Variants in ARHGEF10L observed in about 807,000 individuals in gnomAD.
The protein encoded by ARHGEF10L is Rho guanine nucleotide exchange factor 10 like, also known as rho guanine nucleotide exchange factor 10-like protein.
A neutral mutation model predicts 141.2 loss-of-function variants in ARHGEF10L; 69 were observed. The observed-to-expected ratio is 0.49, with a 90% CI of 0.40 to 0.60. The LOEUF (loss-of-function observed/expected upper bound fraction) is 0.60. ARHGEF10L is among the 20% of genes least tolerant of loss of function. ARHGEF10L has a pLI of 0.00. For synonymous variants in ARHGEF10L, 711 were observed against 718.5 expected (o/e 0.99, Z 0.17); for missense variants, 1,482 against 1,734.3 (o/e 0.85, Z 2.58).
intron 2 of ARHGEF10L, among the ~76,000 whole-genome samples, chr1:17,581,309 CAA>C (rs71014975): frequency 6.2e-3 from 432 of 69,282 alleles, no homozygotes; most frequent in African/African-American, 0.025. Flanking sequence ...AAGACTGTCT[CAA>C]AAAAAAAAAA....
chr1:17,602,253 G>GT, intron 5 of ARHGEF10L, 35 bp downstream of exon 5: 1 of 1,546,310 alleles, frequency 6.5e-7, no homozygotes, highest in Non-Finnish European at 8.8e-7. Flanking sequence ...CCCACCCCAG[G>GT]TAGCAAGCTC....
At chr1:17,613,607 G>A (rs79504943) in intron 8 of ARHGEF10L, among the ~76,000 whole-genome samples, 207 of 152,312 alleles carry the variant, frequency 1.4e-3, no homozygotes, top group African/African-American at 4.8e-3. Flanking sequence ...ATTGAAAAAC[G>A]TGAGTGTTGC....
At chr1:17,640,400 G>C (rs1214722873) in intron 21 of ARHGEF10L, 98 bp downstream of exon 21, 10 of 1,050,316 alleles carry the variant, frequency 9.5e-6, no homozygotes, top group African/African-American at 3.2e-5. Flanking sequence ...CGGGGTCAGC[G>C]GGGGGCAGGG....
intron 1 of ARHGEF10L, among the ~76,000 whole-genome samples, chr1:17,553,628 A>G (rs2077196002): frequency 6.6e-6 from 1 of 151,550 alleles, no homozygotes; most frequent in African/African-American, 2.4e-5. Context: ...AAAAAAAGCC[A>G]AAAAACAAAA....
chr1:17,637,936 T>C lies in ARHGEF10L; in HGVS notation c.1976T>C (p.Leu659Pro). The C allele has an allele frequency of 6.2e-7, 1 of 1,602,676 alleles. No homozygotes were observed. The highest frequency in any genetic ancestry group is 1.1e-5 in the South Asian group (1 of 88,440). Residue 659 changes from leucine to proline, a missense_variant, in exon 19 of 29, where the codon CTG becomes CCG. Physicochemically the swap from Leu to Pro is moderately conservative, Grantham distance 98. Around this residue, in one of 3 missense-constraint regions of ARHGEF10L, gnomAD observed 858 missense variants for 966.3 expected, o/e 0.89. Coordinates refer to ENST00000361221, the MANE Select transcript of ARHGEF10L (RefSeq NM_018125.4). ...CGCCTCTTCCAGGAGCTGCAGGACC[T>C]GCAGAAGGACCTGGCCGTGGTGGAG... ...PPRLFQELQD[L>P]QKDLAVVEQI...
intron 26 of ARHGEF10L, among the ~76,000 whole-genome samples, chr1:17,665,757 C>T (rs113855183): frequency 4.6e-4 from 70 of 152,206 alleles, no homozygotes; most frequent in African/African-American, 1.6e-3. Context: ...TGTGTGTTTG[C>T]GCAAGTATAT....
At chr1:17,561,216 A>G (rs2077530692) in intron 1 of ARHGEF10L, among the ~76,000 whole-genome samples, 1 of 152,186 alleles carries the variant, frequency 6.6e-6, no homozygotes, top group African/African-American at 2.4e-5. Flanking sequence ...TAAGTCTGAG[A>G]GCAACCAGTG....
intron 28 of ARHGEF10L, among the ~76,000 whole-genome samples, chr1:17,695,519 G>A (rs968158704): frequency 6.6e-6 from 1 of 152,226 alleles, no homozygotes; most frequent in African/African-American, 2.4e-5. Context: ...GTGGCTTGGG[G>A]CCTGGCTGAG....
intron 2 of ARHGEF10L, among the ~76,000 whole-genome samples, chr1:17,583,228 G>T (rs1475009042): frequency 1.4e-5 from 2 of 144,728 alleles, no homozygotes; most frequent in Non-Finnish European, 1.5e-5. Flanking sequence ...AAAAAAGAAG[G>T]TGTAGAAATG....
chr1:17,522,790 T>TC, the ARHGEF10L span, among the ~76,000 whole-genome samples: 1 of 151,198 alleles, frequency 6.6e-6, no homozygotes, highest in Admixed American at 6.6e-5. Flanking sequence ...TTCACATCCC[T>TC]CCCCCCTGGA....
At position 17,619,869 on chromosome 1, in the gene ARHGEF10L, C is replaced by A. The variant is rs182690132; in HGVS notation, c.942+424C>A. ...CTGGGCCTCAGAGCTGCCACAAGCT[C>A]CCACCAGGAACTGAGGCTCTTTAAG... is the stretch of plus-strand genomic sequence containing the variant. On this transcript the variant is annotated intron_variant, in intron 10 of 28. Transcript: ENST00000361221. The surrounding 1 kb of genome is among the most constrained non-coding windows in gnomAD (Gnocchi z 5.0). Among the ~76,000 whole-genome samples the A allele has an allele frequency of 8.7e-3, 1,329 of 152,190 alleles. 14 individuals carry two copies. Among genetic ancestry groups the A allele is most frequent in the South Asian group, 0.016 (76 of 4,806 alleles).
intron 26 of ARHGEF10L, among the ~76,000 whole-genome samples, chr1:17,672,348 A>G (rs1186076157): frequency 2.0e-5 from 3 of 152,138 alleles, no homozygotes; most frequent in Non-Finnish European, 4.4e-5. Context: ...TATCTTATTT[A>G]TGACATGAAA....
At chr1:17,611,668 G>C (rs1184404593) in intron 7 of ARHGEF10L, among the ~76,000 whole-genome samples, 1 of 152,022 alleles carries the variant, frequency 6.6e-6, no homozygotes, top group Non-Finnish European at 1.5e-5. Context: ...AATAAGCTCT[G>C]GGCTTTGCAT....
intron 4 of ARHGEF10L, among the ~76,000 whole-genome samples, chr1:17,597,058 T>G (rs1173915932): frequency 6.6e-6 from 1 of 152,094 alleles, no homozygotes; most frequent in Non-Finnish European, 1.5e-5. Context: ...CTGCCGGCAA[T>G]GTAGGTTGCT....
chr1:17,517,779 G>A, the ARHGEF10L span, among the ~76,000 whole-genome samples: 1 of 152,142 alleles, frequency 6.6e-6, no homozygotes, highest in Non-Finnish European at 1.5e-5. Context: ...TCCTGCCTCA[G>A]CCTCCTGAGT....
At position 17,623,450 on chromosome 1, in the gene ARHGEF10L, C is replaced by T. The variant is rs567364299; in HGVS notation, c.1200+275C>T. On this transcript the variant is annotated intron_variant, in intron 12 of 28. Coordinates refer to ENST00000361221, the MANE Select transcript of ARHGEF10L (RefSeq NM_018125.4). The surrounding 1 kb of genome is among the most constrained non-coding windows in gnomAD (Gnocchi z 4.7). ...CAGGTGGCAGCACCCCCTGGCCTCC[C>T]AGTCACTGTGGGCAGCCACCTGGCC... 8.5e-5 allele frequency among the ~76,000 whole-genome samples: 13 copies of T among 152,276 alleles called. No individual in the cohort carries two copies. The highest frequency in any genetic ancestry group is 6.5e-4 in the Admixed American group (10 of 15,310).
chr1:17,664,714 C>G, intron 26 of ARHGEF10L, 119 bp downstream of exon 26: 2 of 1,296,572 alleles, frequency 1.5e-6, no homozygotes, highest in Non-Finnish European at 2.0e-6. Flanking sequence ...ATCGATTGGG[C>G]AGAGTTTGTC....
intron 1 of ARHGEF10L, among the ~76,000 whole-genome samples, chr1:17,549,063 C>A (rs1211208968): frequency 2.7e-5 from 4 of 150,676 alleles, no homozygotes; most frequent in Non-Finnish European, 5.9e-5. Flanking sequence ...TGCTCTGTCA[C>A]CCCGGCTGGA....
chr1:17,665,525 T>C (rs543811752), intron 26 of ARHGEF10L, among the ~76,000 whole-genome samples: 1 of 152,254 alleles, frequency 6.6e-6, no homozygotes, highest in Admixed American at 6.5e-5. Context: ...CTGGCTTGCT[T>C]TTCTGGTGTT....
Sources: allele counts gnomAD v4.1 joint callset (sites outside exome capture counted in the v4.1 genomes callset), GRCh38; gene constraint gnomAD v4.1.1; regional missense constraint gnomAD v4.1.1; non-coding constraint Gnocchi (gnomAD v3.1); transcripts MANE v1.5; gene names NCBI Gene and HGNC (gene_info 2026-07-23, HGNC 2026-07-21).